KIF2A: variants seen among roughly 807,000 people sequenced by gnomAD.
KIF2A encodes kinesin-like protein KIF2A.
In KIF2A, 22 loss-of-function variants were observed where a neutral mutation model predicts 100.2. That is an observed-to-expected ratio of 0.22 (90% confidence interval 0.16 to 0.31). The LOEUF (loss-of-function observed/expected upper bound fraction) is 0.31. KIF2A is among the 10% of genes least tolerant of loss of function. The probability of loss-of-function intolerance (pLI) is 1.00; values close to 1 mark genes in which losing one functional copy is unlikely to be tolerated. For synonymous variants in KIF2A, 268 were observed against 285.9 expected (o/e 0.94, Z 0.63); for missense variants, 495 against 898.7 (o/e 0.55, Z 5.74).
chr5:62,344,359 A>AC (rs1288535968), intron 1 of KIF2A, among the ~76,000 whole-genome samples: 1 of 152,034 alleles, frequency 6.6e-6, no homozygotes, highest in African/African-American at 2.4e-5. Context: ...AAAAAAAAAA[A>AC]AATGCAGATA....
chr5:62,351,523 C>T (rs1453937602), intron 4 of KIF2A, among the ~76,000 whole-genome samples: 1 of 152,016 alleles, frequency 6.6e-6, no homozygotes, highest in Non-Finnish European at 1.5e-5. Context: ...TCAGAATTGT[C>T]TTTTCTGGCA....
chr5:62,385,286 T>C (rs988193589), intron 20 of KIF2A, among the ~76,000 whole-genome samples, 198 bp from the exon 21 acceptor site: 1 of 152,228 alleles, frequency 6.6e-6, no homozygotes, highest in Non-Finnish European at 1.5e-5. Context: ...CAGGTATTTC[T>C]GGAAATCTGT....
In KIF2A at chr5:62,363,913, A is replaced by G. The variant is rs1345772099; in HGVS notation, c.1467+14A>G. Reference sequence around the variant, plus strand: ...TTAGCACTCAAGGTAAATAAAATGTATTTTATCATGAAAGGTCTTTTACTT... The same window carrying G: ...TTAGCACTCAAGGTAAATAAAATGTGTTTTATCATGAAAGGTCTTTTACTT... On this transcript the variant is annotated intron_variant, in intron 14 of 20. Transcript: ENST00000407818. The G allele has an allele frequency of 2.5e-6, 4 of 1,575,818 alleles. No individual in the cohort carries two copies. Among genetic ancestry groups the G allele is most frequent in the Non-Finnish European group, 3.5e-6 (4 of 1,157,690 alleles).
At chr5:62,356,207 T>C (rs1012924223) in intron 7 of KIF2A, among the ~76,000 whole-genome samples, 7 of 152,250 alleles carry the variant, frequency 4.6e-5, no homozygotes, top group African/African-American at 1.7e-4. Flanking sequence ...AGATGTATTA[T>C]ATAGAATTGA....
At chr5:62,339,735 C>A in intron 1 of KIF2A, among the ~76,000 whole-genome samples, 1 of 145,006 alleles carries the variant, frequency 6.9e-6, no homozygotes, top group African/African-American at 2.5e-5. Flanking sequence ...ATATATACAA[C>A]ATAAATGAAT....
intron 1 of KIF2A, among the ~76,000 whole-genome samples, chr5:62,320,222 C>G (rs1312325246): frequency 1.3e-5 from 2 of 151,968 alleles, no homozygotes; most frequent in Admixed American, 6.6e-5. Context: ...AGTAAATATA[C>G]CACAATTTAT....
At chr5:62,320,048 T>TCTC (rs1448835117) in intron 1 of KIF2A, among the ~76,000 whole-genome samples, 1 of 152,216 alleles carries the variant, frequency 6.6e-6, no homozygotes, top group Non-Finnish European at 1.5e-5. Context: ...CTTATATATC[T>TCTC]CTATCTACAT....
intron 1 of KIF2A, among the ~76,000 whole-genome samples, chr5:62,310,421 A>T (rs974885340): frequency 4.6e-5 from 7 of 152,178 alleles, no homozygotes; most frequent in Non-Finnish European, 1.0e-4. Context: ...CACTACTGGG[A>T]TGTCTAGCAA....
At position 62,384,272 on chromosome 5, in the gene KIF2A, T is replaced by C. The variant is rs1271280207; in HGVS notation, c.2150-1212T>C. Among the ~76,000 whole-genome samples, 3 of 152,084 alleles carry C rather than the reference T, an allele frequency of 2.0e-5. No homozygotes were observed. In the South Asian group the frequency reaches 6.2e-4, roughly 32 times the overall value. On this transcript the variant is annotated intron_variant, in intron 20 of 20. Transcript: ENST00000407818. ...TCAAAAAAAACAGAACAGTAACAGT[T>C]TGAGAGCACCAAATCTAGAAGTTCT...
At chr5:62,312,864 A>G (rs943728005) in intron 1 of KIF2A, among the ~76,000 whole-genome samples, 1 of 152,192 alleles carries the variant, frequency 6.6e-6, no homozygotes, top group Admixed American at 6.5e-5. Flanking sequence ...GCTTGAGCCT[A>G]TGAGTTTGAG....
intron 1 of KIF2A, among the ~76,000 whole-genome samples, chr5:62,329,093 G>GA (rs1472516329): frequency 6.6e-6 from 1 of 152,124 alleles, no homozygotes; most frequent in Non-Finnish European, 1.5e-5. Context: ...TTTTCGTAAT[G>GA]AAAATCTTAG....
intron 11 of KIF2A, among the ~76,000 whole-genome samples, 187 bp downstream of exon 11, chr5:62,361,716 T>C (rs1025158130): frequency 1.3e-5 from 2 of 151,814 alleles, no homozygotes; most frequent in African/African-American, 4.8e-5. Flanking sequence ...AATTTTTTTT[T>C]TTTTTAAGAA....
At chr5:62,327,627 G>A (rs1190965610) in intron 1 of KIF2A, among the ~76,000 whole-genome samples, 1 of 152,180 alleles carries the variant, frequency 6.6e-6, no homozygotes, top group Non-Finnish European at 1.5e-5. Flanking sequence ...TTGCCACATG[G>A]AGCTTCAGTG....
chr5:62,371,294 G>C (rs1003411114), intron 16 of KIF2A, among the ~76,000 whole-genome samples: 1 of 151,988 alleles, frequency 6.6e-6, no homozygotes, highest in African/African-American at 2.4e-5. Context: ...CAGCATGTGT[G>C]GTAAATAAAC....
intron 14 of KIF2A, 101 bp from the exon 15 acceptor site, chr5:62,365,142 T>G: frequency 3.5e-6 from 2 of 567,976 alleles, no homozygotes; most frequent in Non-Finnish European, 6.1e-6. Flanking sequence ...ATCAGACCCT[T>G]AAATGTTCAA....
chr5:62,308,919 G>T (rs113446675), intron 1 of KIF2A, among the ~76,000 whole-genome samples: 5 of 151,808 alleles, frequency 3.3e-5, no homozygotes, highest in South Asian at 2.1e-4. Context: ...TCTTGTTAAA[G>T]TATGTGAAAT....
rs1483216806 is a variant in KIF2A, at chr5:62,387,385, T to G, written c.*1816T>G. ...ACTTTCAAAGGGCAATAAAGACATGTGAATTTGCTCATTTTAAAGCACAAC... is the reference window on the plus strand; with the variant it reads ...ACTTTCAAAGGGCAATAAAGACATGGGAATTTGCTCATTTTAAAGCACAAC... On this transcript the variant is annotated 3_prime_UTR_variant, in exon 21 of 21. Coordinates refer to ENST00000407818, the MANE Select transcript of KIF2A (RefSeq NM_001098511.3). The G allele has an allele frequency of 2.6e-5, 4 of 152,198 alleles. No homozygotes were observed. The highest frequency in any genetic ancestry group is 9.7e-5 in the African/African-American group (4 of 41,434). 9.4% of individuals were successfully genotyped at this position (152,198 alleles called of 1,614,324 possible).
At chr5:62,377,902 T>C (rs1040599283) in intron 19 of KIF2A, 140 bp downstream of exon 19, 11 of 440,592 alleles carry the variant, frequency 2.5e-5, no homozygotes, top group Non-Finnish European at 4.1e-5. Context: ...GCATGTGACA[T>C]GGCAAATTTT....
intron 8 of KIF2A, 52 bp from the exon 9 acceptor site, chr5:62,358,085 A>G (rs776822780): frequency 3.4e-5 from 45 of 1,314,182 alleles, no homozygotes; most frequent in Non-Finnish European, 4.6e-5. Flanking sequence ...TTTGTACATG[A>G]ACTCAAATGC....
Sources: gnomAD v4.1 joint callset for allele counts (sites outside exome capture counted in the v4.1 genomes callset) on GRCh38, gnomAD v4.1.1 for gene constraint, MANE v1.5 for transcripts, NCBI Gene and HGNC (gene_info 2026-07-23, HGNC 2026-07-21) for gene names.